The following SAMTOR variants were observed in gnomAD, a reference collection of about 807,000 sequenced individuals.
SAMTOR encodes the protein UPF0532 protein C7orf60.
At chr7:112,867,522 T>C in the SAMTOR span, among the ~76,000 whole-genome samples, 1 of 152,200 alleles carries the variant, frequency 6.6e-6, no homozygotes, top group South Asian at 2.1e-4. Context: ...AAACTACCCA[T>C]ACGTGAAGAA....
At chr7:112,896,225 GTATGTGTATATA>G in the SAMTOR span, among the ~76,000 whole-genome samples, 1 of 152,140 alleles carries the variant, frequency 6.6e-6, no homozygotes, top group Non-Finnish European at 1.5e-5. Flanking sequence ...GTGTTTGTAT[GTATGTGTATATA>G]TATGTGTATA....
At chr7:112,890,018 T>C in the SAMTOR span, among the ~76,000 whole-genome samples, 1 of 152,112 alleles carries the variant, frequency 6.6e-6, no homozygotes, top group African/African-American at 2.4e-5. Flanking sequence ...TGTGGTTGGG[T>C]TGAGCTGCAG....
chr7:112,908,279 G>A, the SAMTOR span, among the ~76,000 whole-genome samples: 1 of 152,112 alleles, frequency 6.6e-6, no homozygotes, highest in African/African-American at 2.4e-5. Flanking sequence ...GAACAAAAAA[G>A]CTGACTCTCT....
At chr7:112,908,144 T>G in the SAMTOR span, among the ~76,000 whole-genome samples, 1 of 152,306 alleles carries the variant, frequency 6.6e-6, no homozygotes, top group Non-Finnish European at 1.5e-5. Flanking sequence ...TTGTCAAACA[T>G]TATCTTAGGT....
chr7:112,932,285 C>T, the SAMTOR span, among the ~76,000 whole-genome samples: 1 of 152,032 alleles, frequency 6.6e-6, no homozygotes, highest in Admixed American at 6.6e-5. Context: ...ACTACAACAT[C>T]CTTATGAGAA....
the SAMTOR span, chr7:112,821,727 G>C: frequency 1.9e-6 from 3 of 1,564,758 alleles, no homozygotes; most frequent in Non-Finnish European, 2.6e-6. Flanking sequence ...GACTGAAAGG[G>C]GCTTTTTGCT....
chr7:112,927,251 A>C, the SAMTOR span, among the ~76,000 whole-genome samples: 1 of 151,984 alleles, frequency 6.6e-6, no homozygotes, highest in Non-Finnish European at 1.5e-5. Context: ...ATATATTAAA[A>C]CTCAATTTTA....
chr7:112,893,610 C>T, the SAMTOR span, among the ~76,000 whole-genome samples: 10 of 152,302 alleles, frequency 6.6e-5, no homozygotes, highest in South Asian at 2.1e-4. Flanking sequence ...TTCTCATTCC[C>T]GTGTTCACTG....
chr7:112,918,382 C>A, the SAMTOR span, among the ~76,000 whole-genome samples: 1 of 152,132 alleles, frequency 6.6e-6, no homozygotes, highest in African/African-American at 2.4e-5. Flanking sequence ...AAATACTTTA[C>A]AGACAAGCAA....
chr7:112,863,950 G>A, the SAMTOR span, among the ~76,000 whole-genome samples: 1 of 152,196 alleles, frequency 6.6e-6, no homozygotes, highest in Non-Finnish European at 1.5e-5. Context: ...ACATGCACAT[G>A]TATGTTCACT....
At chr7:112,922,983 A>G in the SAMTOR span, among the ~76,000 whole-genome samples, 1 of 151,830 alleles carries the variant, frequency 6.6e-6, no homozygotes, top group African/African-American at 2.4e-5. Context: ...GGTGTACCCA[A>G]CAGCTCACTG....
At chr7:112,939,544 G>C in the SAMTOR span, 1 of 1,613,024 alleles carries the variant, frequency 6.2e-7, no homozygotes, top group Non-Finnish European at 8.5e-7. Context: ...CAAGCGGTTG[G>C]GGGTGATGAG....
At chr7:112,913,050 A>G in the SAMTOR span, among the ~76,000 whole-genome samples, 9 of 152,184 alleles carry the variant, frequency 5.9e-5, no homozygotes, top group Non-Finnish European at 1.2e-4. Flanking sequence ...TTACAGGGGA[A>G]CTATTTGGTT....
the SAMTOR span, among the ~76,000 whole-genome samples, chr7:112,895,962 AAT>A: frequency 4.6e-5 from 7 of 152,194 alleles, no homozygotes; most frequent in African/African-American, 1.2e-4. Context: ...GTAAATAAAA[AAT>A]ATGTTTTTTC....
chr7:112,853,961 GAGTC>G, the SAMTOR span, among the ~76,000 whole-genome samples: 3 of 152,004 alleles, frequency 2.0e-5, no homozygotes, highest in Non-Finnish European at 2.9e-5. Flanking sequence ...AATGCGTTGA[GAGTC>G]AGTTTGTACA....
chr7:112,859,816 A>T, the SAMTOR span, among the ~76,000 whole-genome samples: 1 of 152,250 alleles, frequency 6.6e-6, no homozygotes, highest in African/African-American at 2.4e-5. Flanking sequence ...TCAAAAAGTT[A>T]AAAATATTAA....
the SAMTOR span, among the ~76,000 whole-genome samples, chr7:112,868,825 A>G: frequency 4.6e-5 from 7 of 152,310 alleles, no homozygotes; most frequent in Admixed American, 1.3e-4. Context: ...CTGTTGCAAG[A>G]CCGGAGTGGA....
At chr7:112,884,471 T>C in the SAMTOR span, among the ~76,000 whole-genome samples, 1 of 152,184 alleles carries the variant, frequency 6.6e-6, no homozygotes, top group Admixed American at 6.5e-5. Flanking sequence ...GTACAGGCAC[T>C]GGGTAAATAC....
chr7:112,884,926 T>C, the SAMTOR span, among the ~76,000 whole-genome samples: 1 of 152,250 alleles, frequency 6.6e-6, no homozygotes, highest in African/African-American at 2.4e-5. Context: ...AGAAAACTTC[T>C]GCCTGGACAT....
Sources: gnomAD v4.1 joint callset for allele counts (sites outside exome capture counted in the v4.1 genomes callset) on GRCh38, gnomAD v4.1.1 for gene constraint, MANE v1.5 for transcripts, NCBI Gene and HGNC (gene_info 2026-07-23, HGNC 2026-07-21) for gene names.